SASH1: variants seen among roughly 807,000 people sequenced by gnomAD.
SASH1 encodes SAM and SH3 domain-containing protein 1.
A neutral mutation model predicts 125.2 loss-of-function variants in SASH1; 44 were observed. The ratio of observed to expected loss-of-function variants is 0.35; its 90% confidence interval spans 0.28 to 0.45. The LOEUF (loss-of-function observed/expected upper bound fraction) is 0.45. SASH1 is among the 20% of genes least tolerant of loss of function. The pLI, the probability that SASH1 is intolerant of heterozygous loss-of-function variation, is 1.00. For synonymous variants in SASH1, 639 were observed against 649.1 expected, an observed-to-expected ratio of 0.98 and a Z score of 0.24; for missense variants, 1,426 against 1,614.5, an observed-to-expected ratio of 0.88 and a Z score of 2.00.
chr6:148,336,879 G>T (rs1435496228), intron 1 of SASH1, among the ~76,000 whole-genome samples: 1 of 152,106 alleles, frequency 6.6e-6, no homozygotes, highest in Non-Finnish European at 1.5e-5. Flanking sequence ...GTCTTCGCAG[G>T]GATTCTGCAG....
At chr6:148,224,806 G>A in the SASH1 span, among the ~76,000 whole-genome samples, 16 of 152,136 alleles carry the variant, frequency 1.1e-4, no homozygotes, top group South Asian at 2.1e-4. Flanking sequence ...AAAATTTTGC[G>A]TAAATGTTTT....
intron 2 of SASH1, among the ~76,000 whole-genome samples, chr6:148,429,916 T>C (rs1048434998): frequency 3.9e-5 from 6 of 152,114 alleles, no homozygotes; most frequent in Non-Finnish European, 5.9e-5. Flanking sequence ...TGGCATACAA[T>C]GAATTTCAAC....
rs1249714396 is a variant in SASH1 at position 148,511,075 on chromosome 6, T to C, written c.730-3249T>C. On this transcript the variant is annotated intron_variant, in intron 8 of 19. Coordinates refer to ENST00000367467, the MANE Select transcript of SASH1 (RefSeq NM_015278.5). ...TGGAATATACTTAAAAAGAGAAATA[T>C]GACATGAGGAATTCAAGATTTACTC... Among the ~76,000 whole-genome samples the C allele has an allele frequency of 2.0e-5, 3 of 151,798 alleles. No homozygotes were observed. In the East Asian group the frequency reaches 5.8e-4, roughly 29 times the overall value.
intron 1 of SASH1, among the ~76,000 whole-genome samples, chr6:148,326,323 C>CATATATAT (rs56276306): frequency 0.07 from 685 of 9,750 alleles, 103 homozygotes; most frequent in Non-Finnish European, 0.078. Context: ...CCACCGCATG[C>CATATATAT]ATATATATAT....
At chr6:148,517,770 A>G (rs1780528188) in intron 9 of SASH1, among the ~76,000 whole-genome samples, 1 of 152,212 alleles carries the variant, frequency 6.6e-6, no homozygotes, top group Non-Finnish European at 1.5e-5. Context: ...ACACCAAAGT[A>G]TTGGAATCTC....
Position 148,551,452 on chromosome 6 carries a change from T to C in SASH1, c.*2894T>C, listed in dbSNP as rs1782874372. The C allele has an allele frequency of 1.3e-5, 2 of 152,556 alleles. No homozygotes were observed. Among genetic ancestry groups the C allele is most frequent in the Admixed American group, 1.3e-4 (2 of 15,284 alleles). 9.5% of individuals were successfully genotyped at this position (152,556 alleles called of 1,614,324 possible). On this transcript the variant is annotated 3_prime_UTR_variant, in exon 20 of 20. Transcript: ENST00000367467. ...AGGAAATGCAGTCAGCTCCAGCTAGTACTATTTATGTACCCAGATAACTAA... is the reference window on the plus strand; with the variant it reads ...AGGAAATGCAGTCAGCTCCAGCTAGCACTATTTATGTACCCAGATAACTAA...
In SASH1 at chr6:148,367,177, G is replaced by T. The variant is rs1020056470; in HGVS notation, c.157-22957G>T. ...GACCTCAGGTGATCCACCTTCCTCG[G>T]CCTCCCAAAGTGCGGGGATTACAGG... is the stretch of plus-strand genomic sequence containing the variant. On this transcript the variant is annotated intron_variant, in intron 1 of 19. Coordinates refer to ENST00000367467, the MANE Select transcript of SASH1 (RefSeq NM_015278.5). Among the ~76,000 whole-genome samples the T allele has an allele frequency of 2.6e-5, 4 of 152,178 alleles. No individual in the cohort carries two copies. In the East Asian group the frequency reaches 7.7e-4, roughly 29 times the overall value.
chr6:148,318,867 A>G (rs1780556861), intron 1 of SASH1, among the ~76,000 whole-genome samples: 1 of 151,890 alleles, frequency 6.6e-6, no homozygotes, highest in African/African-American at 2.4e-5. Flanking sequence ...CTAATTTCTT[A>G]AAATTTTTCA....
At chr6:148,476,724 G>A (rs1225224972) in intron 7 of SASH1, among the ~76,000 whole-genome samples, 1 of 152,080 alleles carries the variant, frequency 6.6e-6, no homozygotes, top group Non-Finnish European at 1.5e-5. Context: ...CTTAAAATTT[G>A]TATTGAACCA....
chr6:148,465,489 G>A (rs924325678), intron 4 of SASH1, among the ~76,000 whole-genome samples: 1 of 151,034 alleles, frequency 6.6e-6, no homozygotes, highest in African/African-American at 2.4e-5. Context: ...GTTGCAGTGA[G>A]CCGAGATCGC....
At chr6:148,387,616 CTTTCTT>C (rs1783480050) in intron 1 of SASH1, among the ~76,000 whole-genome samples, 1 of 21,002 alleles carries the variant, frequency 4.8e-5, no homozygotes. Context: ...TTCTTTCTTT[CTTTCTT>C]TCTTTCTTTC....
chr6:148,201,345 C>A, the SASH1 span, among the ~76,000 whole-genome samples: 1 of 152,152 alleles, frequency 6.6e-6, no homozygotes, highest in Non-Finnish European at 1.5e-5. Context: ...GGGATACAGG[C>A]AAACCAAAGT....
the SASH1 span, among the ~76,000 whole-genome samples, chr6:148,256,618 C>T: frequency 6.6e-6 from 1 of 152,026 alleles, no homozygotes; most frequent in South Asian, 2.1e-4. Context: ...TTCCATAGTA[C>T]CATAGATTAT....
At chr6:148,215,598 T>C in the SASH1 span, among the ~76,000 whole-genome samples, 1 of 152,164 alleles carries the variant, frequency 6.6e-6, no homozygotes, top group East Asian at 1.9e-4. Context: ...ACTTGTAATT[T>C]TTTAAAATCT....
intron 1 of SASH1, among the ~76,000 whole-genome samples, chr6:148,283,128 T>C (rs1779388615): frequency 6.6e-6 from 1 of 152,228 alleles, no homozygotes; most frequent in East Asian, 1.9e-4. Flanking sequence ...TTCTTCCTTC[T>C]TGGGAGACAT....
the SASH1 span, among the ~76,000 whole-genome samples, chr6:148,257,495 A>G: frequency 2.6e-5 from 4 of 152,166 alleles, no homozygotes; most frequent in East Asian, 7.7e-4. Context: ...ATTCCTTTGG[A>G]ATTTGAATAT....
chr6:148,473,315 T>TA (rs1321433747), intron 6 of SASH1, among the ~76,000 whole-genome samples: 1 of 152,210 alleles, frequency 6.6e-6, no homozygotes, highest in Admixed American at 6.6e-5. Flanking sequence ...TGCAGTGGTG[T>TA]GATCTTGGCT....
chr6:148,253,744 T>G, the SASH1 span, among the ~76,000 whole-genome samples: 1 of 152,016 alleles, frequency 6.6e-6, no homozygotes. Context: ...TGGTGGCACG[T>G]GCCTGTAGTC....
At chr6:148,531,118 T>TGCAG (rs1279560171) in intron 12 of SASH1, among the ~76,000 whole-genome samples, 1 of 152,180 alleles carries the variant, frequency 6.6e-6, no homozygotes, top group Non-Finnish European at 1.5e-5. Flanking sequence ...CCTATCCAAG[T>TGCAG]AGATTAAATA....
Sources: gnomAD v4.1 joint callset for allele counts (sites outside exome capture counted in the v4.1 genomes callset) on GRCh38, gnomAD v4.1.1 for gene constraint, MANE v1.5 for transcripts, NCBI Gene and HGNC (gene_info 2026-07-23, HGNC 2026-07-21) for gene names.